The following PLA2G4D variants were observed in gnomAD, a reference collection of about 807,000 sequenced individuals.
PLA2G4D encodes the protein cytosolic phospholipase A2 delta.
PLA2G4D carries 80 observed loss-of-function variants against 94.4 expected under a neutral mutation model. That is an observed-to-expected ratio of 0.85 (90% CI 0.71 to 1.02). The LOEUF (loss-of-function observed/expected upper bound fraction) is 1.02, where lower values mean the gene tolerates loss of function less well. Ranked by LOEUF, PLA2G4D falls within the 50% of genes least tolerant of loss-of-function variation. The pLI is 0.00. For missense variants in PLA2G4D, 1,050 were observed against 1,034.7 expected (o/e 1.01, Z -0.20); for synonymous variants, 438 against 440.9 (o/e 0.99, Z 0.08).
intron 11 of PLA2G4D, 119 bp from the exon 12 acceptor site, chr15:42,081,252 T>TA (rs769150521): frequency 4.2e-4 from 630 of 1,482,620 alleles, no homozygotes; most frequent in Non-Finnish European, 5.6e-4. Context: ...TGGGTCCTGA[T>TA]AGAGTCAGGG....
rs773419830 is a variant in PLA2G4D, at chr15:42,068,951, G to A, written c.2231-10C>T. 1.8e-4 allele frequency: 284 copies of A among 1,602,848 alleles called. No individual in the cohort carries two copies. The highest frequency in any genetic ancestry group is 2.2e-4 in the Non-Finnish European group (261 of 1,175,958). On this transcript the variant is annotated splice_polypyrimidine_tract_variant and intron_variant, in intron 19 of 19. Transcript: ENST00000290472. The stretch of plus-strand genomic sequence containing the variant: ...GGGCTGCGCTGGACACCTGCCCAGG[G>A]GTAGGAGGGGTGTCAGGAGCAGGAC...
chr15:42,088,249 T>C (rs1295568495), intron 1 of PLA2G4D, among the ~76,000 whole-genome samples: 1 of 152,108 alleles, frequency 6.6e-6, no homozygotes, highest in African/African-American at 2.4e-5. Flanking sequence ...ATGAGGAAAC[T>C]CCAAGAGCAT....
intron 13 of PLA2G4D, among the ~76,000 whole-genome samples, chr15:42,077,347 T>C (rs1026239895): frequency 6.6e-6 from 1 of 152,206 alleles, no homozygotes; most frequent in African/African-American, 2.4e-5. Flanking sequence ...AATACTATCA[T>C]ACGAAATTCA....
chr15:42,068,592 C>T lies in PLA2G4D; in HGVS notation c.*123G>A. The stretch of plus-strand genomic sequence containing the variant: ...AGTTCCCTCTGGGCAGTGAGACCAG[C>T]TACAGAGGCCACCCAGGCCTGGGAG... On this transcript the variant is annotated 3_prime_UTR_variant, in exon 20 of 20. Coordinates refer to ENST00000290472, the MANE Select transcript of PLA2G4D (RefSeq NM_178034.4). 1 of 874,638 alleles carries T rather than the reference C, an allele frequency of 1.1e-6. No homozygotes were observed. Among genetic ancestry groups the T allele is most frequent in the South Asian group, 1.8e-5 (1 of 56,840 alleles). The allele number at this position is 874,638 out of a possible 1,614,324, so 54.2% of individuals were successfully genotyped here. A position where few individuals can be genotyped will look rare whatever the true frequency, so the allele number is the denominator to read the frequency against.
In PLA2G4D at chr15:42,071,543, T is replaced by C. The variant is rs1889818238; in HGVS notation, c.1582A>G (p.Ser528Gly). The change falls in exon 16 of 20, where the codon AGC becomes GGC. Residue 528 changes from serine to glycine, a missense_variant. Coordinates refer to ENST00000290472, the MANE Select transcript of PLA2G4D (RefSeq NM_178034.4). ...PRICFLEAIW[S>G]NIFSLNLLDA... Reference sequence around the variant, plus strand: ...AGCAGGTTCAGGGAGAAAATGTTGCTCCAGATGGCTGAGGAACACCAAAAG... The same window carrying C: ...AGCAGGTTCAGGGAGAAAATGTTGCCCCAGATGGCTGAGGAACACCAAAAG... The C allele has an allele frequency of 1.2e-6, 2 of 1,612,816 alleles. No individual in the cohort carries two copies. Among genetic ancestry groups the C allele is most frequent in the Admixed American group, 1.7e-5 (1 of 59,892 alleles).
At position 42,086,194 on chromosome 15, in the gene PLA2G4D, T is replaced by TCCTCC; in HGVS notation, c.387+18_387+19insGGAGG. ...GGAAGAAGTGGGGCCCACGGGGACT[T>TCCTCC]CCCCACCCACCCACCCACCTGGGGA... On this transcript the variant is annotated intron_variant, in intron 4 of 19. Coordinates refer to ENST00000290472, the MANE Select transcript of PLA2G4D (RefSeq NM_178034.4). 3 of 1,370,442 alleles carry TCCTCC rather than the reference T, an allele frequency of 2.2e-6. No homozygotes were observed. Among genetic ancestry groups the TCCTCC allele is most frequent in the Non-Finnish European group, 2.9e-6 (3 of 1,043,084 alleles). 84.9% of individuals were successfully genotyped at this position (1,370,442 alleles called of 1,614,324 possible).
intron 1 of PLA2G4D, among the ~76,000 whole-genome samples, chr15:42,089,473 C>A (rs958473589): frequency 6.6e-6 from 1 of 152,226 alleles, no homozygotes; most frequent in African/African-American, 2.4e-5. Flanking sequence ...CACATGTGAC[C>A]TCCCCGAGCA....
rs1889729293 is a variant in PLA2G4D, at chr15:42,068,579, G to T, written c.*136C>A. 4.1e-6 allele frequency: 3 copies of T among 735,690 alleles called. No homozygotes were observed. In the Admixed American group the frequency reaches 8.6e-5, roughly 21 times the overall value. The allele number at this position is 735,690 out of a possible 1,614,324, so 45.6% of individuals were successfully genotyped here. On this transcript the variant is annotated 3_prime_UTR_variant, in exon 20 of 20. Transcript: ENST00000290472. ...AGTCTGTGTGTGCAGTTCCCTCTGG[G>T]CAGTGAGACCAGCTACAGAGGCCAC...
chr15:42,073,633 C>T (rs1336575550), intron 13 of PLA2G4D, among the ~76,000 whole-genome samples: 2 of 152,184 alleles, frequency 1.3e-5, no homozygotes, highest in African/African-American at 4.8e-5. Context: ...CAGCCCTTAT[C>T]ATCAGAGTGA....
chr15:42,086,317 C>T lies in PLA2G4D; in HGVS notation c.283G>A (p.Glu95Lys). Reference sequence around the variant, plus strand: ...ATGTCATCCTCCGTGACTGAGTCCTCATCATAGATGCTAAGCTCCAGAACA... The same window carrying T: ...ATGTCATCCTCCGTGACTGAGTCCTTATCATAGATGCTAAGCTCCAGAACA... The part of the protein sequence containing the change: ...KNVLELSIYD[E>K]DSVTEDDICF... Residue 95 changes from glutamate (E) to lysine (K), a missense_variant, in exon 4 of 20, where the codon GAG becomes AAG. Glu to Lys is a moderately conservative substitution (Grantham distance 56). Transcript: ENST00000290472. 4 of 1,612,832 alleles carry T rather than the reference C, an allele frequency of 2.5e-6. No homozygotes were observed. Among genetic ancestry groups the T allele is most frequent in the South Asian group, 1.1e-5 (1 of 91,064 alleles).
At chr15:42,075,616 G>A (rs1006512536) in intron 13 of PLA2G4D, among the ~76,000 whole-genome samples, 11 of 152,194 alleles carry the variant, frequency 7.2e-5, no homozygotes, top group African/African-American at 2.4e-4. Context: ...GCCAGTCATA[G>A]TGGCTCACAC....
Position 42,071,570 on chromosome 15 carries a change from G to A in PLA2G4D, c.1574-19C>T, listed in dbSNP as rs946716059. ...CAGATGGCTGAGGAACACCAAAAGA[G>A]ATCAGCCTCAGGCCCCAGCCAGCGG... On this transcript the variant is annotated intron_variant, in intron 15 of 19. Coordinates refer to ENST00000290472, the MANE Select transcript of PLA2G4D (RefSeq NM_178034.4). 6.2e-6 allele frequency: 10 copies of A among 1,602,758 alleles called. No individual in the cohort carries two copies. Among genetic ancestry groups the A allele is most frequent in the African/African-American group, 1.3e-5 (1 of 74,644 alleles).
At chr15:42,080,519 G>A (rs548337638) in intron 12 of PLA2G4D, among the ~76,000 whole-genome samples, 3 of 152,266 alleles carry the variant, frequency 2.0e-5, no homozygotes, top group African/African-American at 7.2e-5. Context: ...CTCGAGTGTG[G>A]TGAAGATTAA....
In PLA2G4D at chr15:42,071,798, C is replaced by T. The variant is rs1362132727; in HGVS notation, c.1549G>A (p.Glu517Lys). ...CCTTCCAGAAAGCAGATCCGGGGCT[C>T]CGGGATCCTCCTCATCAGCCGTCCC... The part of the protein sequence containing the change: ...FMGRLMRRIP[E>K]PRICFLEAIW... The change falls in exon 15 of 20, where the codon GAG becomes AAG. Residue 517 changes from glutamate to lysine, a missense_variant. Physicochemically the swap from Glu to Lys is moderately conservative, Grantham distance 56. Transcript: ENST00000290472. 6 of 1,614,028 alleles carry T rather than the reference C, an allele frequency of 3.7e-6. No homozygotes were observed. The highest frequency in any genetic ancestry group is 5.1e-6 in the Non-Finnish European group (6 of 1,180,030).
At chr15:42,082,590 T>C (rs1179485060) in intron 8 of PLA2G4D, among the ~76,000 whole-genome samples, 1 of 152,230 alleles carries the variant, frequency 6.6e-6, no homozygotes, top group Non-Finnish European at 1.5e-5. Flanking sequence ...GAATAGCATG[T>C]ATAAATTTAT....
At chr15:42,089,249 G>C (rs1034101778) in intron 1 of PLA2G4D, among the ~76,000 whole-genome samples, 1 of 152,130 alleles carries the variant, frequency 6.6e-6, no homozygotes, top group Non-Finnish European at 1.5e-5. Context: ...GGAAGTTCTC[G>C]GTGCCCACAA....
intron 1 of PLA2G4D, among the ~76,000 whole-genome samples, chr15:42,091,421 C>T (rs528544831): frequency 1.4e-4 from 22 of 152,344 alleles, no homozygotes; most frequent in African/African-American, 4.1e-4. Flanking sequence ...GACAAGAGTG[C>T]GAGCCTTCTG....
At chr15:42,094,377 C>T (rs780737065) in intron 1 of PLA2G4D, 38 bp downstream of exon 1, 3 of 1,612,286 alleles carry the variant, frequency 1.9e-6, no homozygotes, top group Non-Finnish European at 2.5e-6. Flanking sequence ...TCCAGGCCTG[C>T]CCTGACTGGT....
chr15:42,069,989 G>A lies in PLA2G4D; in HGVS notation c.2150C>T (p.Ser717Leu). Residue 717 changes from serine (S) to leucine (L), a missense_variant, in exon 19 of 20, where the codon TCA becomes TTA. Transcript: ENST00000290472. Reference protein sequence around the residue: ...QHQPRECHLFSDPACPEAPIL... With the variant: ...QHQPRECHLFLDPACPEAPIL... Reference sequence around the variant, plus strand: ...CGGGGCCTCGGGGCAGGCGGGGTCTGAGAAGAGGTGGCATTCCCTTGGCTG... The same window carrying A: ...CGGGGCCTCGGGGCAGGCGGGGTCTAAGAAGAGGTGGCATTCCCTTGGCTG... The A allele has an allele frequency of 6.7e-7, 1 of 1,489,386 alleles. No homozygotes were observed. The highest frequency in any genetic ancestry group is 8.9e-7 in the Non-Finnish European group (1 of 1,124,198). 92.3% of individuals were successfully genotyped at this position (1,489,386 alleles called of 1,614,324 possible).
Sources: gnomAD v4.1 joint callset for allele counts (sites outside exome capture counted in the v4.1 genomes callset) on GRCh38, gnomAD v4.1.1 for gene constraint, MANE v1.5 for transcripts, NCBI Gene and HGNC (gene_info 2026-07-23, HGNC 2026-07-21) for gene names.